Variants in CAP2 observed in about 807,000 individuals in gnomAD.
The protein encoded by CAP2 is adenylyl cyclase-associated protein 2.
A neutral mutation model predicts 57.7 loss-of-function variants in CAP2; 24 were observed. The observed-to-expected ratio is 0.42, with a 90% CI of 0.30 to 0.58. The LOEUF is 0.58. Ranked by LOEUF, CAP2 falls within the 20% of genes least tolerant of loss-of-function variation. The probability of loss-of-function intolerance (pLI) is 0.22; values close to 1 mark genes in which losing one functional copy is unlikely to be tolerated. For missense variants in CAP2, 501 were observed against 590.3 expected (o/e 0.85, Z 1.57); for synonymous variants, 194 against 207.2 (o/e 0.94, Z 0.55).
intron 1 of CAP2, among the ~76,000 whole-genome samples, chr6:17,406,087 G>A (rs1287555051): frequency 1.3e-5 from 2 of 152,026 alleles, no homozygotes; most frequent in Non-Finnish European, 2.9e-5. Context: ...CTTTGGGACC[G>A]TCCCACACAT....
Position 17,531,370 on chromosome 6 carries a change from C to T in CAP2, c.637-7899C>T, listed in dbSNP as rs577763750. 1,234 of 1,588,592 alleles carry T rather than the reference C, an allele frequency of 7.8e-4. 15 individuals are homozygous for T. Among genetic ancestry groups the T allele is most frequent in the South Asian group, 7.1e-3 (645 of 90,832 alleles). ...TGATACCTCTGATCCTGATGACAAA[C>T]GCCAATTTGGGTTCTGCAGGTACAT... On this transcript the variant is annotated intron_variant, in intron 7 of 12. Coordinates refer to ENST00000229922, the MANE Select transcript of CAP2 (RefSeq NM_006366.3).
intron 4 of CAP2, among the ~76,000 whole-genome samples, chr6:17,497,149 A>G (rs1052776841): frequency 6.6e-6 from 1 of 152,344 alleles, no homozygotes; most frequent in African/African-American, 2.4e-5. Flanking sequence ...TCTGATCACT[A>G]TACATTGTCA....
At chr6:17,492,249 G>A (rs898185524) in intron 4 of CAP2, among the ~76,000 whole-genome samples, 4 of 152,164 alleles carry the variant, frequency 2.6e-5, no homozygotes, top group African/African-American at 9.7e-5. Flanking sequence ...TTTGCCAGTG[G>A]TGGGGTGCAT....
chr6:17,441,489 C>T (rs187454461), intron 3 of CAP2, among the ~76,000 whole-genome samples: 5 of 151,552 alleles, frequency 3.3e-5, no homozygotes, highest in South Asian at 2.1e-4. Context: ...ACAAAATTGT[C>T]GTTTTTACTT....
Position 17,475,194 on chromosome 6 carries a change from C to CAA in CAP2, c.300+12135_300+12136dup, listed in dbSNP as rs1172435772. Reference sequence around the variant, plus strand: ...TGCGCAGCAGAGCAAGACTCCATCTCAAAAAAAAAAAAAAAGAAAGAAAAG... The same window carrying CAA: ...TGCGCAGCAGAGCAAGACTCCATCTCAAAAAAAAAAAAAAAAAGAAAGAAAAG... On this transcript the variant is annotated intron_variant, in intron 4 of 12. Transcript: ENST00000229922. 3.4e-3 allele frequency among the ~76,000 whole-genome samples: 355 copies of CAA among 105,890 alleles called. 2 individuals carry two copies. Among genetic ancestry groups the CAA allele is most frequent in the African/African-American group, 0.01 (326 of 32,094 alleles). 69.5% of individuals were successfully genotyped at this position (105,890 alleles called of 152,430 possible).
chr6:17,541,149 G>A lies in CAP2; in HGVS notation c.1002+1G>A, dbSNP rs1762889556. On this transcript the variant is annotated splice_donor_variant, in intron 9 of 12. Coordinates refer to ENST00000229922, the MANE Select transcript of CAP2 (RefSeq NM_006366.3). LOFTEE classifies it high-confidence loss of function. The stretch of plus-strand genomic sequence containing the variant: ...GTTGGAAGGAAAGAAATGGAGAGTG[G>A]TAAGTGAAGCATTTTAACCTTTATT... The A allele has an allele frequency of 6.2e-7, 1 of 1,608,036 alleles. No individual in the cohort carries two copies. The highest frequency in any genetic ancestry group is 1.7e-5 in the Admixed American group (1 of 59,360).
chr6:17,506,245 G>A (rs910773728), intron 4 of CAP2, among the ~76,000 whole-genome samples: 7 of 152,194 alleles, frequency 4.6e-5, no homozygotes, highest in African/African-American at 1.7e-4. Flanking sequence ...GGAGAAGTCG[G>A]TTGCTGAATT....
intron 1 of CAP2, among the ~76,000 whole-genome samples, chr6:17,394,369 G>A (rs1758619389): frequency 1.3e-5 from 2 of 152,150 alleles, no homozygotes; most frequent in Non-Finnish European, 2.9e-5. Flanking sequence ...TTTGGGTAGA[G>A]GGGTGTTCGT....
intron 7 of CAP2, among the ~76,000 whole-genome samples, chr6:17,537,869 C>T (rs1368498777): frequency 1.3e-5 from 2 of 151,986 alleles, no homozygotes; most frequent in African/African-American, 2.4e-5. Context: ...GAGTTCGAGA[C>T]CAGCCTGACC....
chr6:17,442,723 A>AT (rs34691133), intron 3 of CAP2, among the ~76,000 whole-genome samples: 73,705 of 146,710 alleles, frequency 0.5, 18,836 homozygotes, highest in East Asian at 0.82. Context: ...CCCCATCACT[A>AT]TTTTTTTTTT....
At chr6:17,465,890 G>A (rs1019772435) in intron 4 of CAP2, among the ~76,000 whole-genome samples, 6 of 152,182 alleles carry the variant, frequency 3.9e-5, no homozygotes, top group Middle Eastern at 3.4e-3. Flanking sequence ...GTTCCACAGC[G>A]TTCCCTGGGA....
chr6:17,430,088 T>C (rs962821353), intron 3 of CAP2, among the ~76,000 whole-genome samples: 11 of 152,138 alleles, frequency 7.2e-5, no homozygotes, highest in African/African-American at 2.7e-4. Flanking sequence ...CAGATACCAG[T>C]AAGGAATAAG....
intron 2 of CAP2, among the ~76,000 whole-genome samples, chr6:17,423,624 G>GAA (rs997474210): frequency 3.4e-5 from 5 of 146,792 alleles, no homozygotes; most frequent in African/African-American, 1.3e-4. Context: ...ATTGAGTAAA[G>GAA]AAAAAAAAAA....
At chr6:17,543,017 T>C in intron 10 of CAP2, 44 bp from the exon 11 acceptor site, 1 of 1,611,698 alleles carries the variant, frequency 6.2e-7, no homozygotes, top group Non-Finnish European at 8.5e-7. Context: ...AAGCTGTATG[T>C]ATTTAGTGGA....
At position 17,455,819 on chromosome 6, in the gene CAP2, G is replaced by A. The variant is rs558178290; in HGVS notation, c.223-7177G>A. Among the ~76,000 whole-genome samples, 23 of 152,292 alleles carry A rather than the reference G, an allele frequency of 1.5e-4. No individual in the cohort carries two copies. The South Asian group carries it at 4.8e-3, about 32-fold the overall frequency. On this transcript the variant is annotated intron_variant, in intron 3 of 12. Coordinates refer to ENST00000229922, the MANE Select transcript of CAP2 (RefSeq NM_006366.3). The stretch of plus-strand genomic sequence containing the variant: ...CAAAGTGCTGGGATTACAGGCGTGA[G>A]CCACCGCGCCCAGCCTAAACTTTTT...
intron 4 of CAP2, among the ~76,000 whole-genome samples, chr6:17,497,694 A>T (rs1761703453): frequency 6.6e-6 from 1 of 152,212 alleles, no homozygotes; most frequent in Admixed American, 6.5e-5. Context: ...CAAGGGAAAT[A>T]CACTAGAGCT....
At chr6:17,545,790 G>A (rs925794897) in intron 11 of CAP2, among the ~76,000 whole-genome samples, 10 of 152,142 alleles carry the variant, frequency 6.6e-5, no homozygotes, top group African/African-American at 2.4e-4. Context: ...AGAACATGCG[G>A]TGTTTGGTTT....
intron 11 of CAP2, among the ~76,000 whole-genome samples, chr6:17,549,802 T>A (rs1279915757): frequency 6.6e-6 from 1 of 152,154 alleles, no homozygotes; most frequent in Non-Finnish European, 1.5e-5. Context: ...CCCTGATACA[T>A]CAGTGTTGGG....
chr6:17,546,701 A>T (rs976046452), intron 11 of CAP2, among the ~76,000 whole-genome samples: 2 of 152,212 alleles, frequency 1.3e-5, no homozygotes, highest in Admixed American at 1.3e-4. Flanking sequence ...AGAGCTGTTT[A>T]TGACAAACCC....
Sources: gnomAD v4.1 joint callset for allele counts (sites outside exome capture counted in the v4.1 genomes callset) on GRCh38, gnomAD v4.1.1 for gene constraint, MANE v1.5 for transcripts, NCBI Gene and HGNC (gene_info 2026-07-23, HGNC 2026-07-21) for gene names.